Variants in DMRT1 observed in about 807,000 individuals in gnomAD.
The protein encoded by DMRT1 is doublesex and mab-3 related transcription factor 1, also known as doublesex- and mab-3-related transcription factor 1.
A neutral mutation model predicts 32.3 loss-of-function variants in DMRT1; 7 were observed. The observed-to-expected ratio is 0.22, with a 90% CI of 0.12 to 0.41. The LOEUF is 0.41. Among genes scored for constraint, DMRT1 ranks in the 10% least tolerant of loss-of-function variants. The probability of loss-of-function intolerance (pLI) is 1.00; values close to 1 mark genes in which losing one functional copy is unlikely to be tolerated. For synonymous variants in DMRT1, 278 were observed against 206.1 expected (o/e 1.35, Z -2.99); for missense variants, 625 against 500.5 (o/e 1.25, Z -2.37).
At chr9:883,284 C>T (rs141847757) in intron 2 of DMRT1, among the ~76,000 whole-genome samples, 2 of 151,524 alleles carry the variant, frequency 1.3e-5, no homozygotes, top group African/African-American at 2.4e-5. Flanking sequence ...AAAGATAAGA[C>T]AAAAATCTCT....
chr9:964,850 G>T (rs1586672578), intron 4 of DMRT1, among the ~76,000 whole-genome samples: 2 of 152,156 alleles, frequency 1.3e-5, no homozygotes, highest in East Asian at 1.9e-4. Flanking sequence ...CAGAGAGATT[G>T]AACCAATTTC....
chr9:865,136 T>A (rs950181292), intron 2 of DMRT1, among the ~76,000 whole-genome samples: 1 of 152,202 alleles, frequency 6.6e-6, no homozygotes, highest in African/African-American at 2.4e-5. Flanking sequence ...GCATGACGTT[T>A]CCAGGTTTTC....
chr9:893,386 G>C (rs1817226802), intron 2 of DMRT1, among the ~76,000 whole-genome samples: 1 of 152,206 alleles, frequency 6.6e-6, no homozygotes, highest in South Asian at 2.1e-4. Context: ...AATAGTTACT[G>C]ACCTCTTACA....
chr9:903,712 G>C (rs993289982), intron 3 of DMRT1, among the ~76,000 whole-genome samples: 18 of 152,086 alleles, frequency 1.2e-4, no homozygotes, highest in African/African-American at 4.3e-4. Context: ...AGTGTGTTTT[G>C]GTTAAAAATA....
intron 2 of DMRT1, among the ~76,000 whole-genome samples, chr9:875,002 G>A (rs1816435851): frequency 6.6e-6 from 1 of 151,242 alleles, no homozygotes; most frequent in African/African-American, 2.4e-5. Flanking sequence ...AGTAGAGACG[G>A]GGTTTCACTA....
At chr9:852,002 C>T (rs1272418521) in intron 2 of DMRT1, among the ~76,000 whole-genome samples, 6 of 150,526 alleles carry the variant, frequency 4.0e-5, no homozygotes, top group South Asian at 2.1e-4. Context: ...TGCTGTGGCG[C>T]GATCCCAGCT....
At chr9:845,039 A>G (rs1838848154) in intron 1 of DMRT1, among the ~76,000 whole-genome samples, 1 of 151,796 alleles carries the variant, frequency 6.6e-6, no homozygotes, top group Non-Finnish European at 1.5e-5. Context: ...GTGTTTTTTA[A>G]TTGAACGTTT....
At chr9:941,557 G>GT (rs1564266369) in intron 4 of DMRT1, among the ~76,000 whole-genome samples, 1 of 152,040 alleles carries the variant, frequency 6.6e-6, no homozygotes, top group Admixed American at 6.6e-5. Flanking sequence ...GAGAGTTATC[G>GT]TTTTTTTGGG....
At chr9:844,341 G>T (rs1313902380) in intron 1 of DMRT1, among the ~76,000 whole-genome samples, 1 of 149,686 alleles carries the variant, frequency 6.7e-6, no homozygotes, top group Non-Finnish European at 1.5e-5. Context: ...TTGTATAGTT[G>T]CATTTTTAAT....
chr9:926,405 ATATT>A (rs967618510), intron 4 of DMRT1, among the ~76,000 whole-genome samples: 1 of 152,206 alleles, frequency 6.6e-6, no homozygotes, highest in African/African-American at 2.4e-5. Context: ...ACTTTCAAAA[ATATT>A]TATTCTCTTT....
At chr9:929,343 G>A (rs575660866) in intron 4 of DMRT1, among the ~76,000 whole-genome samples, 171 of 152,236 alleles carry the variant, frequency 1.1e-3, no homozygotes, top group African/African-American at 4.0e-3. Flanking sequence ...TGTTGCCCAG[G>A]CTGGACTCGA....
At chr9:865,557 T>C (rs192608231) in intron 2 of DMRT1, among the ~76,000 whole-genome samples, 274 of 152,250 alleles carry the variant, frequency 1.8e-3, no homozygotes, top group Non-Finnish European at 3.5e-3. Context: ...CAGATATTAA[T>C]AGGAGGAGCA....
chr9:959,817 C>T (rs1049465847), intron 4 of DMRT1, among the ~76,000 whole-genome samples: 12 of 152,130 alleles, frequency 7.9e-5, no homozygotes, highest in South Asian at 2.1e-4. Context: ...CGTGACCCAC[C>T]GCATCCAGCC....
At chr9:930,700 A>G (rs149740570) in intron 4 of DMRT1, among the ~76,000 whole-genome samples, 145 of 152,054 alleles carry the variant, frequency 9.5e-4, no homozygotes, top group African/African-American at 2.6e-3. Flanking sequence ...GAGCCACCGC[A>G]CCCGGCCAAT....
intron 4 of DMRT1, among the ~76,000 whole-genome samples, chr9:955,268 A>G (rs1289301952): frequency 6.6e-6 from 1 of 152,204 alleles, no homozygotes; most frequent in Non-Finnish European, 1.5e-5. Context: ...AGCAGGTTAC[A>G]TGTGAGCATG....
chr9:899,122 T>G (rs1817478699), intron 3 of DMRT1, among the ~76,000 whole-genome samples: 1 of 152,172 alleles, frequency 6.6e-6, no homozygotes, highest in African/African-American at 2.4e-5. Flanking sequence ...GTAGGATAAC[T>G]CCTTTCTGAT....
intron 3 of DMRT1, among the ~76,000 whole-genome samples, chr9:897,814 A>G (rs1008945129): frequency 6.6e-6 from 1 of 152,178 alleles, no homozygotes. Context: ...GTAGCAAGAT[A>G]GGGTATAAAA....
At position 931,589 on chromosome 9, in the gene DMRT1, T is replaced by A. The variant is rs76954524; in HGVS notation, c.967+14682T>A. On this transcript the variant is annotated intron_variant, in intron 4 of 4. Transcript: ENST00000382276. ...TCCAAGATCAAGGTGCTGTCAGAGTTGCTTTCCGGTAAGGCTTCTCTCCTG... is the reference window on the plus strand; with the variant it reads ...TCCAAGATCAAGGTGCTGTCAGAGTAGCTTTCCGGTAAGGCTTCTCTCCTG... 7.0e-3 allele frequency among the ~76,000 whole-genome samples: 1,060 copies of A among 152,322 alleles called. 10 individuals are homozygous for A. The highest frequency in any genetic ancestry group is 0.038 in the East Asian group (199 of 5,178).
At chr9:877,143 C>T (rs1317168098) in intron 2 of DMRT1, among the ~76,000 whole-genome samples, 1 of 152,198 alleles carries the variant, frequency 6.6e-6, no homozygotes, top group African/African-American at 2.4e-5. Context: ...CTGTGGTTCA[C>T]CTTCCCTGAC....
Sources: gnomAD v4.1 joint callset for allele counts (sites outside exome capture counted in the v4.1 genomes callset) on GRCh38, gnomAD v4.1.1 for gene constraint, MANE v1.5 for transcripts, NCBI Gene and HGNC (gene_info 2026-07-23, HGNC 2026-07-21) for gene names.